The following POTEE variants were observed in gnomAD, a reference collection of about 807,000 sequenced individuals.
POTEE encodes the protein ANKRD26-like family C member 1A.
In POTEE, 21 loss-of-function variants were observed where a neutral mutation model predicts 74.2. The observed-to-expected ratio is 0.28, with a 90% CI of 0.20 to 0.41. POTEE has a LOEUF of 0.41. Among genes scored for constraint, POTEE ranks in the 10% least tolerant of loss-of-function variants. The pLI is 1.00. For synonymous variants in POTEE, 211 were observed against 432.8 expected (o/e 0.49, Z 6.36); for missense variants, 525 against 1,158.6 (o/e 0.45, Z 7.94).
intron 4 of POTEE, among the ~76,000 whole-genome samples, chr2:131,219,435 A>G (rs1700547165): frequency 6.6e-6 from 1 of 151,622 alleles, no homozygotes; most frequent in South Asian, 2.1e-4. Flanking sequence ...GGAAGATTGA[A>G]TTTTCTTAAG....
chr2:131,224,320 C>T (rs1700718693), intron 6 of POTEE, among the ~76,000 whole-genome samples: 1 of 146,394 alleles, frequency 6.8e-6, no homozygotes, highest in Non-Finnish European at 1.5e-5. Context: ...TCAATTTTTC[C>T]CTCCTAGGAT....
intron 9 of POTEE, among the ~76,000 whole-genome samples, chr2:131,231,572 A>G (rs1231557591): frequency 5.9e-5 from 9 of 152,070 alleles, no homozygotes. Context: ...ATAAGGTCTC[A>G]CTATTACTGA....
At chr2:131,216,038 C>T (rs187024525) in intron 2 of POTEE, among the ~76,000 whole-genome samples, 1 of 152,038 alleles carries the variant, frequency 6.6e-6, no homozygotes, top group African/African-American at 2.4e-5. Flanking sequence ...TTCCATACAC[C>T]AATGACAAAC....
intron 12 of POTEE, among the ~76,000 whole-genome samples, chr2:131,243,014 AAG>A (rs1423441308): frequency 8.4e-6 from 1 of 118,856 alleles, no homozygotes; most frequent in African/African-American, 3.0e-5. Context: ...GAAGAAGACA[AAG>A]GGTAAAAAGA....
intron 9 of POTEE, among the ~76,000 whole-genome samples, chr2:131,231,742 A>C (rs964660258): frequency 0.014 from 2,193 of 152,210 alleles, 67 homozygotes; most frequent in African/African-American, 0.05. Flanking sequence ...TAAATATACA[A>C]ATTGCCCAAC....
In POTEE at chr2:131,218,908, A is replaced by G; in HGVS notation, c.506A>G (p.Lys169Arg). The change falls in exon 4 of 18, where the codon AAG becomes AGG. Residue 169 changes from lysine (K) to arginine (R), a missense_variant. By Grantham distance (26) the Lys-to-Arg change is conservative. Transcript: ENST00000683005. ...CTCAGGGACACTGACGTGAACAAGA[A>G]GGACAAGCAAAAGAGGTAACCAGGC... ...VMLRDTDVNK[K>R]DKQKRTALHL... 1 of 1,613,216 alleles carries G rather than the reference A, an allele frequency of 6.2e-7. No individual in the cohort carries two copies. Among genetic ancestry groups the G allele is most frequent in the Non-Finnish European group, 8.5e-7 (1 of 1,179,994 alleles).
chr2:131,218,755 G>A lies in POTEE; in HGVS notation c.353G>A (p.Gly118Asp). Residue 118 changes from glycine to aspartate, a missense_variant, in exon 4 of 18, where the codon GGC becomes GAC. Coordinates refer to ENST00000683005, the MANE Select transcript of POTEE (RefSeq NM_001083538.3). ...CCRGSGKSKV[G>D]AWGDYDDSAF... ...AGGGGGAGCGGCAAGAGCAAGGTGG[G>A]CGCTTGGGGAGACTACGATGACAGC... 2 of 1,612,964 alleles carry A rather than the reference G, an allele frequency of 1.2e-6. No homozygotes were observed. Among genetic ancestry groups the A allele is most frequent in the African/African-American group, 1.3e-5 (1 of 74,978 alleles).
chr2:131,218,438 T>C lies in POTEE; in HGVS notation c.36T>C (p.Ser12=), dbSNP rs1471857290. The C allele has an allele frequency of 6.2e-7, 1 of 1,613,294 alleles. No individual in the cohort carries two copies. The highest frequency in any genetic ancestry group is 2.2e-5 in the East Asian group (1 of 44,800). ...VVEVDSMPAA[S]SVKKPFGLRS... ...AGGTTGATTCCATGCCGGCTGCCTC[T>C]TCTGTGAAGAAGCCATTTGGTCTCA... is the stretch of plus-strand genomic sequence containing the variant. Residue 12 remains serine (S), a synonymous_variant, in exon 4 of 18, where the codon TCT becomes TCC. Transcript: ENST00000683005.
intron 2 of POTEE, among the ~76,000 whole-genome samples, chr2:131,216,174 A>G: frequency 6.6e-6 from 1 of 151,704 alleles, no homozygotes; most frequent in Non-Finnish European, 1.5e-5. Context: ...ATTATAGCAC[A>G]TTGATGAAAG....
intron 6 of POTEE, among the ~76,000 whole-genome samples, chr2:131,225,819 C>T (rs1198916641): frequency 6.6e-6 from 1 of 151,858 alleles, no homozygotes; most frequent in African/African-American, 2.4e-5. Flanking sequence ...AGCCACCATT[C>T]CTGACCTAGT....
chr2:131,232,619 C>T (rs1427905177), intron 9 of POTEE, among the ~76,000 whole-genome samples: 1 of 148,946 alleles, frequency 6.7e-6, no homozygotes, highest in African/African-American at 2.6e-5. Context: ...AGGTCTTATC[C>T]TGTGTGCCAT....
At chr2:131,211,831 T>C (rs1160564444) in intron 2 of POTEE, among the ~76,000 whole-genome samples, 5 of 150,460 alleles carry the variant, frequency 3.3e-5, no homozygotes, top group African/African-American at 1.2e-4. Context: ...GCTAGGATTA[T>C]AGGCGTGAGC....
chr2:131,222,269 G>A (rs576015547), intron 4 of POTEE, among the ~76,000 whole-genome samples: 160 of 152,298 alleles, frequency 1.1e-3, no homozygotes, highest in African/African-American at 3.5e-3. Flanking sequence ...GGACATGGAT[G>A]GTGTTGAAAG....
chr2:131,213,213 G>A lies in POTEE; in HGVS notation c.-189+2030G>A, dbSNP rs376087699. 1.8e-4 allele frequency among the ~76,000 whole-genome samples: 28 copies of A among 152,246 alleles called. No individual in the cohort carries two copies. In the East Asian group the frequency reaches 4.1e-3, roughly 22 times the overall value. On this transcript the variant is annotated intron_variant, in intron 2 of 17. Coordinates refer to ENST00000683005, the MANE Select transcript of POTEE (RefSeq NM_001083538.3). ...TGACCTCAGGTGATCCACCCACCTC[G>A]GTCGGCTGTGTGTATTTTAAGGCAA...
intron 16 of POTEE, among the ~76,000 whole-genome samples, chr2:131,254,453 C>T (rs1432643357): frequency 1.4e-5 from 1 of 73,488 alleles, no homozygotes; most frequent in Admixed American, 1.9e-4. Context: ...ACCTCAGTCT[C>T]TACTAGCTGA....
chr2:131,225,468 A>G (rs1354447375), intron 6 of POTEE, among the ~76,000 whole-genome samples: 1 of 147,460 alleles, frequency 6.8e-6, no homozygotes, highest in Non-Finnish European at 1.5e-5. Flanking sequence ...TAAATGTAAT[A>G]TGTAAATTCT....
chr2:131,228,517 G>C (rs1700850426), intron 8 of POTEE, 136 bp downstream of exon 8: 1 of 1,438,708 alleles, frequency 7.0e-7, no homozygotes, highest in Non-Finnish European at 9.4e-7. Flanking sequence ...TTAGTCCCCT[G>C]CATCAGCCAG....
chr2:131,210,715 G>A lies in POTEE; in HGVS notation c.-344-313G>A, dbSNP rs1417410595. On this transcript the variant is annotated intron_variant, in intron 1 of 17. Transcript: ENST00000683005. ...GGGACTGTGGGAACAGGGCACTGTG[G>A]GTGGAGGTGTCAGGAACGGGAACCA... 2.7e-5 allele frequency among the ~76,000 whole-genome samples: 4 copies of A among 149,546 alleles called. No individual in the cohort carries two copies. In the East Asian group the frequency reaches 7.8e-4, roughly 29 times the overall value.
intron 2 of POTEE, among the ~76,000 whole-genome samples, chr2:131,213,015 C>T (rs1019440135): frequency 6.6e-5 from 10 of 150,544 alleles, no homozygotes; most frequent in Non-Finnish European, 7.4e-5. Context: ...GGCTGTAGTA[C>T]GATGGCCCGA....
Sources: allele counts gnomAD v4.1 joint callset (sites outside exome capture counted in the v4.1 genomes callset), GRCh38; gene constraint gnomAD v4.1.1; transcripts MANE v1.5; gene names NCBI Gene and HGNC (gene_info 2026-07-23, HGNC 2026-07-21).